The following VWA7 variants were observed in gnomAD, a reference collection of about 807,000 sequenced individuals.
VWA7 encodes the protein von Willebrand factor A domain-containing protein 7.
VWA7 carries 66 observed loss-of-function variants against 83.1 expected under a neutral mutation model. That is an observed-to-expected ratio of 0.79 (90% CI 0.65 to 0.98). The LOEUF is 0.98. VWA7 is among the 50% of genes least tolerant of loss of function. VWA7 has a pLI of 0.00. For synonymous variants in VWA7, 424 were observed against 488.5 expected (o/e 0.87, Z 1.74); for missense variants, 1,080 against 1,160.2 (o/e 0.93, Z 1.00).
intron 10 of VWA7, among the ~76,000 whole-genome samples, chr6:31,767,984 C>T (rs1811786054): frequency 6.8e-6 from 1 of 147,306 alleles, no homozygotes; most frequent in Non-Finnish European, 1.5e-5. Context: ...AAAAAAAATA[C>T]AAAAAATTAG....
In VWA7 at chr6:31,767,508, G is replaced by A. The variant is rs748217269; in HGVS notation, c.1643C>T (p.Ser548Phe). 6.2e-6 allele frequency: 10 copies of A among 1,610,246 alleles called. No homozygotes were observed. The highest frequency in any genetic ancestry group is 1.7e-5 in the Admixed American group (1 of 59,956). The change falls in exon 12 of 17, where the codon TCC becomes TTC. Residue 548 changes from serine (S) to phenylalanine (F), a missense_variant. Coordinates refer to ENST00000375688, the MANE Select transcript of VWA7 (RefSeq NM_025258.3). ...SFWIKNPAGV[S>F]QGQEEGGGPL... ...ACCCCCGCCTTCCTCCTGGCCCTGG[G>A]AGACCCCTGGGGTCAGGGAAGAGAT...
chr6:31,765,988 C>T lies in VWA7; in HGVS notation c.2394G>A (p.Pro798=), dbSNP rs762528355. 5 of 1,612,946 alleles carry T rather than the reference C, an allele frequency of 3.1e-6. No individual in the cohort carries two copies. The highest frequency in any genetic ancestry group is 1.1e-5 in the South Asian group (1 of 91,086). The change falls in exon 16 of 17, where the codon CCG becomes CCA. Residue 798 remains proline (P), a synonymous_variant. Coordinates refer to ENST00000375688, the MANE Select transcript of VWA7 (RefSeq NM_025258.3). ...LWLEVPDSAA[P]DSVVMVTVTA... ...TCACAGTCACCATCACCACGGAATC[C>T]GGGGCCGCTGAATCTGGGACCTCCA... is the stretch of plus-strand genomic sequence containing the variant.
At chr6:31,774,957 TAAG>T (rs1812550455) in intron 4 of VWA7, among the ~76,000 whole-genome samples, 1 of 151,702 alleles carries the variant, frequency 6.6e-6, no homozygotes, top group Non-Finnish European at 1.5e-5. Flanking sequence ...AAATAAATAA[TAAG>T]AAAAAAACAA....
rs1402761187 is a variant in VWA7, at chr6:31,767,726, A to C, written c.1532T>G (p.Val511Gly). 3.7e-6 allele frequency: 6 copies of C among 1,611,326 alleles called. No homozygotes were observed. The highest frequency in any genetic ancestry group is 1.7e-5 in the Admixed American group (1 of 59,954). The change falls in exon 11 of 17, where the codon GTG (valine) becomes GGG (glycine). Residue 511 changes from valine to glycine, a missense_variant. Coordinates refer to ENST00000375688, the MANE Select transcript of VWA7 (RefSeq NM_025258.3). ...GAACACAAGTGGCTGCCCAGGCACC[A>C]CAACAGGAGGGTCCAGGGGAAGAGT... ...LVTLPLDPPV[V>G]VPGQPLVFSV...
rs777539303 is a variant in VWA7 at position 31,769,136 on chromosome 6, G to A, written c.1385C>T (p.Pro462Leu). The change falls in exon 10 of 17, where the codon CCT (proline) becomes CTT (leucine). Residue 462 changes from proline to leucine, a missense_variant. Coordinates refer to ENST00000375688, the MANE Select transcript of VWA7 (RefSeq NM_025258.3). The surrounding 1 kb of genome is among the most constrained non-coding windows in gnomAD (Gnocchi z 4.5). Reference sequence around the variant, plus strand: ...TGCTTTGTATGGCTCAAAACGCAGAGGGGACAAGATCTCACGCCGAGCTCG... The same window carrying A: ...TGCTTTGTATGGCTCAAAACGCAGAAGGGACAAGATCTCACGCCGAGCTCG... ...QGRARREILS[P>L]LRFEPYKAVA... 1.7e-5 allele frequency: 28 copies of A among 1,613,104 alleles called. No individual in the cohort carries two copies. The East Asian group carries it at 5.6e-4, about 32-fold the overall frequency.
rs1318247186 is a variant in VWA7 at position 31,766,719 on chromosome 6, C to G, written c.1928G>C (p.Arg643Thr). The part of the protein sequence containing the change: ...LLVEVTGLGS[R>T]ANPGDPQPHF... ...CGGCTGAGGATCCCCAGGATTGGCT[C>G]TGGAACCCAACCCTGTCACTTCTAC... The change falls in exon 14 of 17, where the codon AGA (arginine) becomes ACA (threonine). Residue 643 changes from arginine (R) to threonine (T), a missense_variant. Arg to Thr is a moderately conservative substitution (Grantham distance 71). Transcript: ENST00000375688. This position sits in a 1 kb window ranked among gnomAD's most constrained non-coding sequence, Gnocchi z 4.9. The G allele has an allele frequency of 3.7e-6, 6 of 1,611,682 alleles. No homozygotes were observed. The South Asian group carries it at 5.5e-5, about 15-fold the overall frequency.
At position 31,767,855 on chromosome 6, in the gene VWA7, G is replaced by A. The variant is rs190068113; in HGVS notation, c.1504-101C>T. The A allele has an allele frequency of 4.3e-3, 6,033 of 1,389,240 alleles. 15 individuals carry two copies. Among genetic ancestry groups the A allele is most frequent in the Non-Finnish European group, 5.2e-3 (5,349 of 1,034,798 alleles). 86.1% of individuals were successfully genotyped at this position (1,389,240 alleles called of 1,614,324 possible). On this transcript the variant is annotated intron_variant, in intron 10 of 16. Coordinates refer to ENST00000375688, the MANE Select transcript of VWA7 (RefSeq NM_025258.3). The stretch of plus-strand genomic sequence containing the variant: ...TAGAAAGAAACCACGTCATTGGGCC[G>A]GGCGCAGTTGGTCACGCCTGTAATC...
intron 4 of VWA7, among the ~76,000 whole-genome samples, 189 bp from the exon 5 acceptor site, chr6:31,774,815 G>A (rs1812537263): frequency 6.6e-6 from 1 of 152,012 alleles, no homozygotes; most frequent in South Asian, 2.1e-4. Flanking sequence ...TTGAAACTAG[G>A]GCTGTGCTGG....
At position 31,766,077 on chromosome 6, in the gene VWA7, G is replaced by A. The variant is rs373264262; in HGVS notation, c.2325-20C>T. On this transcript the variant is annotated intron_variant, in intron 15 of 16. Coordinates refer to ENST00000375688, the MANE Select transcript of VWA7 (RefSeq NM_025258.3). The surrounding 1 kb of genome is among the most constrained non-coding windows in gnomAD (Gnocchi z 4.9). Reference sequence around the variant, plus strand: ...TGAGCCCTGGAGAGAGGATATAGGCGTCGCTAAAGCTCCAGGCTGCCCAGA... The same window carrying A: ...TGAGCCCTGGAGAGAGGATATAGGCATCGCTAAAGCTCCAGGCTGCCCAGA... 42 of 1,612,136 alleles carry A rather than the reference G, an allele frequency of 2.6e-5. No homozygotes were observed. The highest frequency in any genetic ancestry group is 3.2e-5 in the Non-Finnish European group (38 of 1,179,668).
In VWA7 at chr6:31,775,894, G is replaced by C; in HGVS notation, c.513+70C>G. The stretch of plus-strand genomic sequence containing the variant: ...GAGACATGATCAAGAAGGCACCATA[G>C]GACGCGCTCCATCCCGGACAGGCAC... On this transcript the variant is annotated intron_variant, in intron 3 of 16. Coordinates refer to ENST00000375688, the MANE Select transcript of VWA7 (RefSeq NM_025258.3). This position sits in a 1 kb window ranked among gnomAD's most constrained non-coding sequence, Gnocchi z 5.9. 6.5e-7 allele frequency: 1 copy of C among 1,535,314 alleles called. No individual in the cohort carries two copies. Among genetic ancestry groups the C allele is most frequent in the Non-Finnish European group, 8.8e-7 (1 of 1,142,512 alleles).
rs1812767611 is a variant in VWA7, at chr6:31,777,161, A to G, written c.-68T>C. 1 of 356,972 alleles carries G rather than the reference A, an allele frequency of 2.8e-6. No homozygotes were observed. The highest frequency in any genetic ancestry group is 5.1e-6 in the Non-Finnish European group (1 of 196,736). The allele number at this position is 356,972 out of a possible 1,614,324, so 22.1% of individuals were successfully genotyped here. A position where few individuals can be genotyped will look rare whatever the true frequency, so the allele number is the denominator to read the frequency against. ...TGGCCCGGGCTTGACGTCACAGGGCACTTAGGTCAGAGTTATAATTAACCG... is the reference window on the plus strand; with the variant it reads ...TGGCCCGGGCTTGACGTCACAGGGCGCTTAGGTCAGAGTTATAATTAACCG... On this transcript the variant is annotated 5_prime_UTR_variant, in exon 1 of 17. Transcript: ENST00000375688. The surrounding 1 kb of genome is among the most constrained non-coding windows in gnomAD (Gnocchi z 5.8).
In VWA7 at chr6:31,775,713, C is replaced by T. The variant is rs915274584; in HGVS notation, c.513+251G>A. ...TGCTGCGTGTGCTGCTCCCTCAGCT[C>T]TCTGACCTCGCAGCCTTCCTCTCTC... On this transcript the variant is annotated intron_variant, in intron 3 of 16. Coordinates refer to ENST00000375688, the MANE Select transcript of VWA7 (RefSeq NM_025258.3). The surrounding 1 kb of genome is among the most constrained non-coding windows in gnomAD (Gnocchi z 5.9). 7.2e-5 allele frequency among the ~76,000 whole-genome samples: 11 copies of T among 152,352 alleles called. No homozygotes were observed. Among genetic ancestry groups the T allele is most frequent in the Non-Finnish European group, 1.3e-4 (9 of 68,034 alleles).
chr6:31,776,594 C>T lies in VWA7; in HGVS notation c.186G>A (p.Leu62=). 1 of 1,548,628 alleles carries T rather than the reference C, an allele frequency of 6.5e-7. No homozygotes were observed. The highest frequency in any genetic ancestry group is 8.7e-7 in the Non-Finnish European group (1 of 1,146,058). Reference sequence around the variant, plus strand: ...GGGGGCGGCCTGGGGGTGGCTGCTCCAGGAAGAGCTGCAGGGTGACGTTGA... The same window carrying T: ...GGGGGCGGCCTGGGGGTGGCTGCTCTAGGAAGAGCTGCAGGGTGACGTTGA... ...AALNVTLQLF[L]EQPPPGRPPL... The change falls in exon 2 of 17, where the codon CTG becomes CTA. Residue 62 remains leucine, a synonymous_variant. Coordinates refer to ENST00000375688, the MANE Select transcript of VWA7 (RefSeq NM_025258.3). This position sits in a 1 kb window ranked among gnomAD's most constrained non-coding sequence, Gnocchi z 6.2.
Position 31,775,224 on chromosome 6 carries a change from G to C in VWA7, c.610+109C>G. The C allele has an allele frequency of 1.0e-6, 1 of 954,786 alleles. No individual in the cohort carries two copies. 59.1% of individuals were successfully genotyped at this position (954,786 alleles called of 1,614,324 possible). On this transcript the variant is annotated intron_variant, in intron 4 of 16. Coordinates refer to ENST00000375688, the MANE Select transcript of VWA7 (RefSeq NM_025258.3). This position sits in a 1 kb window ranked among gnomAD's most constrained non-coding sequence, Gnocchi z 5.9. ...GGACTGGGGGACCTCAGTCCTTGTG[G>C]AGATTAAGTAACATCATACCCTCTG...
Position 31,774,535 on chromosome 6 carries a change from A to T in VWA7, c.702T>A (p.Thr234=). ...TGGTACCTGGAGGTTTCGGGGGATG[A>T]GTTCCAAAGTAGCCAGAGGTGAGGA... ...FTLLTSGYFG[T]HPPKPPGKCS... is the part of the protein sequence containing the mutation. The change falls in exon 5 of 17, where the codon ACT becomes ACA. Residue 234 remains threonine (T), a synonymous_variant. Coordinates refer to ENST00000375688, the MANE Select transcript of VWA7 (RefSeq NM_025258.3). 1.2e-6 allele frequency: 2 copies of T among 1,612,706 alleles called. No individual in the cohort carries two copies. Among genetic ancestry groups the T allele is most frequent in the Non-Finnish European group, 1.7e-6 (2 of 1,179,908 alleles).
rs369262187 is a variant in VWA7 at position 31,766,624 on chromosome 6, C to T, written c.2023G>A (p.Val675Met). 12 of 1,612,920 alleles carry T rather than the reference C, an allele frequency of 7.4e-6. No homozygotes were observed. The East Asian group carries it at 2.0e-4, about 27-fold the overall frequency. The change falls in exon 14 of 17, where the codon GTG becomes ATG. Residue 675 changes from valine (V) to methionine (M), a missense_variant. By Grantham distance (21) the Val-to-Met change is conservative. Coordinates refer to ENST00000375688, the MANE Select transcript of VWA7 (RefSeq NM_025258.3). This position sits in a 1 kb window ranked among gnomAD's most constrained non-coding sequence, Gnocchi z 4.9. Reference protein sequence around the residue: ...AELGQVPLEPVGPPERGLLAA... With the variant: ...AELGQVPLEPMGPPERGLLAA... ...AGGAGACCTCGCTCCGGAGGTCCCA[C>T]GGGCTCCAAGGGCACCTGGCCTAGT...
rs1270943328 is a variant in VWA7, at chr6:31,775,764, G to A, written c.513+200C>T. 2.0e-5 allele frequency among the ~76,000 whole-genome samples: 3 copies of A among 152,162 alleles called. No homozygotes were observed. Among genetic ancestry groups the A allele is most frequent in the Non-Finnish European group, 4.4e-5 (3 of 68,034 alleles). ...ACCCTCACTTCTCTCCAGCCACAGC[G>A]CCCTCCTTGCTGTTCCTACAGGAAG... On this transcript the variant is annotated intron_variant, in intron 3 of 16. Coordinates refer to ENST00000375688, the MANE Select transcript of VWA7 (RefSeq NM_025258.3). The surrounding 1 kb of genome is among the most constrained non-coding windows in gnomAD (Gnocchi z 5.9).
At position 31,776,176 on chromosome 6, in the gene VWA7, G is replaced by A. The variant is rs751961692; in HGVS notation, c.301C>T (p.Arg101Ter). The A allele has an allele frequency of 2.1e-5, 34 of 1,613,958 alleles. No individual in the cohort carries two copies. The Admixed American group carries it at 3.0e-4, about 14-fold the overall frequency. Residue 101 changes from arginine (R) to a stop codon, truncating the protein, a stop_gained, in exon 3 of 17, where the codon CGA becomes TGA. Transcript: ENST00000375688. LOFTEE classifies it high-confidence loss of function. This position sits in a 1 kb window ranked among gnomAD's most constrained non-coding sequence, Gnocchi z 6.2. Reference protein sequence around the residue: ...YFGPGSSRRFRAALGEVSRAN... With the variant: ...YFGPGSSRRF ...CGAGACACCTCACCTAAGGCTGCTCGGAACCGCCGAGAAGAACCAGGTCCA... is the reference window on the plus strand; with the variant it reads ...CGAGACACCTCACCTAAGGCTGCTCAGAACCGCCGAGAAGAACCAGGTCCA...
Position 31,776,243 on chromosome 6 carries a change from C to G in VWA7, c.235-1G>C, listed in dbSNP as rs1466794456. Reference sequence around the variant, plus strand: ...GGTCATCAGCAAGGAGTGTTCGACCCTGGGGAGAATAGCGGGCGACGGGGC... The same window carrying G: ...GGTCATCAGCAAGGAGTGTTCGACCGTGGGGAGAATAGCGGGCGACGGGGC... On this transcript the variant is annotated splice_acceptor_variant, in intron 2 of 16. Transcript: ENST00000375688. LOFTEE classifies it high-confidence loss of function. This position sits in a 1 kb window ranked among gnomAD's most constrained non-coding sequence, Gnocchi z 6.2. 31 of 1,610,422 alleles carry G rather than the reference C, an allele frequency of 1.9e-5. No individual in the cohort carries two copies. Among genetic ancestry groups the G allele is most frequent in the Non-Finnish European group, 2.5e-5 (30 of 1,177,692 alleles).
Sources: gnomAD v4.1 joint callset for allele counts (sites outside exome capture counted in the v4.1 genomes callset) on GRCh38, gnomAD v4.1.1 for gene constraint, Gnocchi (gnomAD v3.1) non-coding constraint, MANE v1.5 for transcripts, NCBI Gene and HGNC (gene_info 2026-07-23, HGNC 2026-07-21) for gene names.